The following SLC25A13 variants were observed in gnomAD, a reference collection of about 807,000 sequenced individuals.
SLC25A13 encodes the protein electrogenic aspartate/glutamate antiporter SLC25A13, mitochondrial.
In SLC25A13, 70 loss-of-function variants were observed where a neutral mutation model predicts 85.5. The ratio of observed to expected loss-of-function variants is 0.82; its 90% CI spans 0.68 to 1.00. The LOEUF (loss-of-function observed/expected upper bound fraction) is 1.00, where lower values mean the gene tolerates loss of function less well. Ranked by LOEUF, SLC25A13 falls within the 50% of genes least tolerant of loss-of-function variation. The pLI, the probability that SLC25A13 is intolerant of heterozygous loss-of-function variation, is 0.00. For missense variants in SLC25A13, 765 were observed against 819.8 expected, an observed-to-expected ratio of 0.93 and a Z score of 0.82; for synonymous variants, 259 against 288.7, an observed-to-expected ratio of 0.90 and a Z score of 1.04.
intron 3 of SLC25A13, among the ~76,000 whole-genome samples, chr7:96,254,570 C>G (rs887210875): frequency 1.3e-4 from 20 of 151,804 alleles, no homozygotes; most frequent in African/African-American, 4.8e-4. Flanking sequence ...ACATATATAC[C>G]CACATATGTG....
chr7:96,167,524 G>A (rs758552200), intron 13 of SLC25A13, among the ~76,000 whole-genome samples: 1 of 152,314 alleles, frequency 6.6e-6, no homozygotes, highest in East Asian at 1.9e-4. Flanking sequence ...TCAAAGAAAT[G>A]AGCAGCTTTG....
At chr7:96,205,945 C>CAA (rs397706103) in intron 5 of SLC25A13, among the ~76,000 whole-genome samples, 8 of 130,578 alleles carry the variant, frequency 6.1e-5, no homozygotes, top group East Asian at 2.3e-4. Context: ...TATTAAGTGA[C>CAA]AAAAAAAAAA....
intron 9 of SLC25A13, among the ~76,000 whole-genome samples, chr7:96,185,523 G>C (rs1794600736): frequency 6.6e-6 from 1 of 152,058 alleles, no homozygotes; most frequent in South Asian, 2.1e-4. Context: ...TTGAGCCCAG[G>C]GGGCAGAGGT....
chr7:96,310,132 T>C (rs2117023656), intron 1 of SLC25A13, among the ~76,000 whole-genome samples: 1 of 152,332 alleles, frequency 6.6e-6, no homozygotes, highest in South Asian at 2.1e-4. Flanking sequence ...CAGTCTCTAG[T>C]ACTTTGTTAT....
chr7:96,124,636 A>G (rs1791651582), intron 15 of SLC25A13, among the ~76,000 whole-genome samples: 1 of 152,116 alleles, frequency 6.6e-6, no homozygotes, highest in East Asian at 1.9e-4. Flanking sequence ...CTGTCTTTCA[A>G]TCTTTCTATG....
intron 9 of SLC25A13, among the ~76,000 whole-genome samples, chr7:96,185,824 C>T (rs754223134): frequency 2.6e-5 from 4 of 151,670 alleles, no homozygotes; most frequent in Admixed American, 2.0e-4. Context: ...GGCGTGAACC[C>T]GTGAGGTGAA....
intron 3 of SLC25A13, among the ~76,000 whole-genome samples, chr7:96,269,323 G>A (rs1031403741): frequency 6.6e-6 from 1 of 152,156 alleles, no homozygotes; most frequent in Non-Finnish European, 1.5e-5. Context: ...GCAAGCTGGA[G>A]GTGTTAAGGC....
At chr7:96,125,768 C>G (rs1251460331) in intron 15 of SLC25A13, among the ~76,000 whole-genome samples, 1 of 137,450 alleles carries the variant, frequency 7.3e-6, no homozygotes, top group Non-Finnish European at 1.5e-5. Context: ...TTTTTTTTTG[C>G]ATGTCTTTAT....
At chr7:96,269,199 T>A (rs1450345925) in intron 3 of SLC25A13, among the ~76,000 whole-genome samples, 1 of 152,176 alleles carries the variant, frequency 6.6e-6, no homozygotes, top group Non-Finnish European at 1.5e-5. Flanking sequence ...GCTGAATAAC[T>A]GGAGAGTGTT....
At chr7:96,133,969 C>T (rs1385121854) in intron 14 of SLC25A13, among the ~76,000 whole-genome samples, 4 of 150,434 alleles carry the variant, frequency 2.7e-5, no homozygotes, top group Non-Finnish European at 1.5e-5. Context: ...AACATTATTT[C>T]TTGGAAAAAC....
chr7:96,171,339 G>T, intron 12 of SLC25A13, 133 bp downstream of exon 12: 1 of 779,072 alleles, frequency 1.3e-6, no homozygotes. Flanking sequence ...AAATGTGTGT[G>T]GTGAGTTCCC....
chr7:96,251,051 CA>C (rs914868527), intron 3 of SLC25A13, among the ~76,000 whole-genome samples: 30 of 145,090 alleles, frequency 2.1e-4, no homozygotes, highest in South Asian at 4.4e-4. Context: ...GAGGAGGAGA[CA>C]AAAAAAAAAT....
intron 5 of SLC25A13, 73 bp downstream of exon 5, chr7:96,208,765 A>G (rs1795563632): frequency 6.3e-7 from 1 of 1,579,418 alleles, no homozygotes; most frequent in Non-Finnish European, 8.7e-7. Flanking sequence ...TCGGCCTCCC[A>G]AAGTGCTAGG....
intron 13 of SLC25A13, among the ~76,000 whole-genome samples, chr7:96,166,027 T>G (rs1203731750): frequency 6.6e-6 from 1 of 152,252 alleles, no homozygotes; most frequent in Non-Finnish European, 1.5e-5. Flanking sequence ...GGCAGGAAAC[T>G]GCATTAGGGT....
intron 5 of SLC25A13, among the ~76,000 whole-genome samples, chr7:96,201,385 G>A (rs547244100): frequency 2.8e-4 from 42 of 151,876 alleles, no homozygotes; most frequent in African/African-American, 9.7e-4. Flanking sequence ...GGGTTGGGCA[G>A]CCTGTAATCC....
chr7:96,258,369 G>C (rs1229584870), intron 3 of SLC25A13, among the ~76,000 whole-genome samples: 2 of 152,182 alleles, frequency 1.3e-5, no homozygotes, highest in Admixed American at 1.3e-4. Flanking sequence ...CTTCAGCAAT[G>C]TCTCAGGATA....
At chr7:96,123,228 C>G (rs907563792) in intron 15 of SLC25A13, among the ~76,000 whole-genome samples, 1 of 152,088 alleles carries the variant, frequency 6.6e-6, no homozygotes, top group African/African-American at 2.4e-5. Context: ...AATTCCTGTT[C>G]ATTTGTAGGA....
At chr7:96,142,989 A>C (rs551431082) in intron 14 of SLC25A13, among the ~76,000 whole-genome samples, 1 of 152,372 alleles carries the variant, frequency 6.6e-6, no homozygotes, top group South Asian at 2.1e-4. Context: ...AACGCCTTTG[A>C]TTAGAACACA....
intron 1 of SLC25A13, among the ~76,000 whole-genome samples, chr7:96,303,572 C>T (rs897887008): frequency 6.6e-6 from 1 of 152,204 alleles, no homozygotes; most frequent in African/African-American, 2.4e-5. Flanking sequence ...GCTGAAACTA[C>T]AATTCCCAGA....
Sources: allele counts gnomAD v4.1 joint callset (sites outside exome capture counted in the v4.1 genomes callset), GRCh38; gene constraint gnomAD v4.1.1; transcripts MANE v1.5; gene names NCBI Gene and HGNC (gene_info 2026-07-23, HGNC 2026-07-21).